AIM2: variants seen among roughly 807,000 people sequenced by gnomAD.
The protein encoded by AIM2 is interferon-inducible protein AIM2.
In AIM2, 30 loss-of-function variants were observed where a neutral mutation model predicts 27.7. That is an observed-to-expected ratio of 1.08 (90% CI 0.81 to 1.47). The LOEUF is 1.47. Among genes scored for constraint, AIM2 ranks in the 40% most tolerant of loss-of-function variants. The pLI is 0.00. For synonymous variants in AIM2, 141 were observed against 145.3 expected (o/e 0.97, Z 0.21); for missense variants, 358 against 411.3 (o/e 0.87, Z 1.12).
At chr1:159,085,989 CAT>C (rs1557899997) in intron 1 of AIM2, among the ~76,000 whole-genome samples, 1 of 152,172 alleles carries the variant, frequency 6.6e-6, no homozygotes, top group Non-Finnish European at 1.5e-5. Flanking sequence ...AATATCAAAA[CAT>C]CACGTTGTAT....
At chr1:159,084,317 G>T (rs968699296) in intron 1 of AIM2, among the ~76,000 whole-genome samples, 4 of 151,996 alleles carry the variant, frequency 2.6e-5, no homozygotes, top group Non-Finnish European at 4.4e-5. Flanking sequence ...CTTATTTCTG[G>T]TTCTCGCTCA....
At chr1:159,110,166 C>T (rs1657534467) in intron 1 of AIM2, among the ~76,000 whole-genome samples, 1 of 152,134 alleles carries the variant, frequency 6.6e-6, no homozygotes, top group Admixed American at 6.5e-5. Flanking sequence ...CCCAAATGGC[C>T]ATCAACCAAT....
At chr1:159,105,563 A>G (rs1165118177) in intron 1 of AIM2, among the ~76,000 whole-genome samples, 1 of 152,180 alleles carries the variant, frequency 6.6e-6, no homozygotes, top group Non-Finnish European at 1.5e-5. Context: ...GTAACGGAAC[A>G]TCTTTTGGGA....
At chr1:159,107,319 T>C (rs1396836708) in intron 1 of AIM2, among the ~76,000 whole-genome samples, 1 of 150,468 alleles carries the variant, frequency 6.6e-6, no homozygotes, top group East Asian at 1.9e-4. Context: ...TGTGTGTGTG[T>C]GTGTGTGTGT....
chr1:159,062,598 G>T lies in AIM2; in HGVS notation c.*94C>A. 1 of 1,240,584 alleles carries T rather than the reference G, an allele frequency of 8.1e-7. No individual in the cohort carries two copies. The highest frequency in any genetic ancestry group is 1.2e-6 in the Non-Finnish European group (1 of 857,008). 76.8% of individuals were successfully genotyped at this position (1,240,584 alleles called of 1,614,324 possible). ...AGGAGCCTGTGAACTGCAGCTTTCA[G>T]GTAACTTACAATCTGATTGAAGAGG... On this transcript the variant is annotated 3_prime_UTR_variant, in exon 6 of 6. Coordinates refer to ENST00000368130, the MANE Select transcript of AIM2 (RefSeq NM_004833.3).
intron 1 of AIM2, among the ~76,000 whole-genome samples, chr1:159,138,354 A>G (rs1440802791): frequency 1.3e-5 from 2 of 151,844 alleles, no homozygotes; most frequent in Non-Finnish European, 2.9e-5. Flanking sequence ...CCATCCCCTA[A>G]ATCTCATTGC....
intron 1 of AIM2, among the ~76,000 whole-genome samples, chr1:159,128,489 A>G (rs1238466459): frequency 6.6e-6 from 1 of 152,148 alleles, no homozygotes; most frequent in South Asian, 2.1e-4. Context: ...GTATCGTTAT[A>G]GCGAGTTCAC....
chr1:159,111,741 T>C (rs541874055), intron 1 of AIM2, among the ~76,000 whole-genome samples: 1 of 150,762 alleles, frequency 6.6e-6, no homozygotes, highest in African/African-American at 2.5e-5. Flanking sequence ...AGCGGGTGGA[T>C]TGCTTCAGGC....
chr1:159,088,708 T>C (rs911931011), intron 1 of AIM2, among the ~76,000 whole-genome samples: 7 of 152,092 alleles, frequency 4.6e-5, no homozygotes, highest in Admixed American at 6.5e-5. Flanking sequence ...TAATAGCTTA[T>C]GATGGGGTGG....
intron 1 of AIM2, among the ~76,000 whole-genome samples, chr1:159,097,699 G>GTATTTATTATTCATTAAA (rs1414319049): frequency 3.9e-5 from 6 of 152,284 alleles, no homozygotes; most frequent in African/African-American, 1.4e-4. Flanking sequence ...GGAGATAATA[G>GTATTTATTATTCATTAAA]TAGTACCTAT....
At chr1:159,058,768 T>C (rs1655736425), downstream of AIM2, among the ~76,000 whole-genome samples, 1 of 152,072 alleles carries the variant, frequency 6.6e-6, no homozygotes, top group African/African-American at 2.4e-5. Flanking sequence ...CCTTATCACA[T>C]GGCCATGAAA....
intron 1 of AIM2, among the ~76,000 whole-genome samples, chr1:159,116,501 C>A (rs1647354782): frequency 6.6e-6 from 1 of 152,026 alleles, no homozygotes; most frequent in South Asian, 2.1e-4. Flanking sequence ...TACTATGCAG[C>A]CATAAAAAAT....
upstream of AIM2, chr1:159,081,499 C>A (rs1656774479): frequency 1.3e-5 from 7 of 520,344 alleles, no homozygotes; most frequent in South Asian, 8.6e-5. Context: ...CCTCTGACTG[C>A]AGAATAATTT....
intron 1 of AIM2, among the ~76,000 whole-genome samples, chr1:159,130,184 C>A (rs1647830053): frequency 6.6e-6 from 1 of 152,366 alleles, no homozygotes; most frequent in South Asian, 2.1e-4. Flanking sequence ...TTGCTCGCTT[C>A]TACCTCCTCT....
chr1:159,130,639 C>G (rs2102049393), intron 1 of AIM2, among the ~76,000 whole-genome samples: 1 of 151,904 alleles, frequency 6.6e-6, no homozygotes, highest in South Asian at 2.1e-4. Flanking sequence ...TCAGTTTTAT[C>G]CTCTTCTCTC....
At chr1:159,071,881 A>C (rs930567193) in intron 2 of AIM2, among the ~76,000 whole-genome samples, 1 of 151,948 alleles carries the variant, frequency 6.6e-6, no homozygotes, top group Non-Finnish European at 1.5e-5. Flanking sequence ...TGGATAATCT[A>C]CTCCTGAGTT....
At position 159,062,555 on chromosome 1, in the gene AIM2, T is replaced by C. The variant is rs1302595049; in HGVS notation, c.*137A>G. On this transcript the variant is annotated 3_prime_UTR_variant, in exon 6 of 6. Coordinates refer to ENST00000368130, the MANE Select transcript of AIM2 (RefSeq NM_004833.3). ...ATTTGTTTATCCAGCAATTATTCTA[T>C]CCTAATTTGGTGGAGAGAGGAGCCT... The C allele has an allele frequency of 2.7e-6, 2 of 727,872 alleles. No homozygotes were observed. The highest frequency in any genetic ancestry group is 4.7e-6 in the Non-Finnish European group (2 of 424,600). 45.1% of individuals were successfully genotyped at this position (727,872 alleles called of 1,614,324 possible). A position where few individuals can be genotyped will look rare whatever the true frequency, so the allele number is the denominator to read the frequency against.
chr1:159,115,323 G>GA (rs756795223), intron 1 of AIM2, among the ~76,000 whole-genome samples: 35 of 152,218 alleles, frequency 2.3e-4, no homozygotes, highest in Admixed American at 3.9e-4. Context: ...CACAGAATTG[G>GA]AAAAAACTAC....
chr1:159,097,797 T>G (rs1309729165), intron 1 of AIM2, among the ~76,000 whole-genome samples: 1 of 152,210 alleles, frequency 6.6e-6, no homozygotes, highest in Non-Finnish European at 1.5e-5. Context: ...CTATAAGTAT[T>G]AATTCACATT....
Sources: allele counts gnomAD v4.1 joint callset (sites outside exome capture counted in the v4.1 genomes callset), GRCh38; gene constraint gnomAD v4.1.1; transcripts MANE v1.5; gene names NCBI Gene and HGNC (gene_info 2026-07-23, HGNC 2026-07-21).